LRRC4C: variants seen among roughly 807,000 people sequenced by gnomAD.
LRRC4C encodes leucine-rich repeat-containing protein 4C.
LRRC4C carries 5 observed loss-of-function variants against 33.6 expected under a neutral mutation model. The observed-to-expected ratio is 0.15, with a 90% CI of 0.08 to 0.31. The LOEUF (loss-of-function observed/expected upper bound fraction) is 0.31. Among genes scored for constraint, LRRC4C ranks in the 10% least tolerant of loss-of-function variants. The pLI, the probability that LRRC4C is intolerant of heterozygous loss-of-function variation, is 1.00. For synonymous variants in LRRC4C, 329 were observed against 302.0 expected (o/e 1.09, Z -0.93); for missense variants, 560 against 796.7 (o/e 0.70, Z 3.58).
intron 2 of LRRC4C, among the ~76,000 whole-genome samples, chr11:40,752,246 A>G (rs1370116785): frequency 2.0e-5 from 3 of 152,070 alleles, no homozygotes; most frequent in Non-Finnish European, 4.4e-5. Flanking sequence ...ACAAAAATAG[A>G]CAAATGGGAT....
rs1049299292 is a variant in LRRC4C at position 40,686,261 on chromosome 11, C to T, written c.-406-37983G>A. 3.9e-5 allele frequency among the ~76,000 whole-genome samples: 6 copies of T among 152,148 alleles called. No individual in the cohort carries two copies. In the East Asian group the frequency reaches 1.2e-3, roughly 29 times the overall value. On this transcript the variant is annotated intron_variant, in intron 2 of 6. Coordinates refer to ENST00000528697, the MANE Select transcript of LRRC4C (RefSeq NM_001258419.2). ...AAAGAGTATAGTGGCTATCTTGATACATGTTTGCTATTTATCATTCATATT... is the reference window on the plus strand; with the variant it reads ...AAAGAGTATAGTGGCTATCTTGATATATGTTTGCTATTTATCATTCATATT...
At chr11:41,367,014 G>A (rs889703803) in intron 1 of LRRC4C, among the ~76,000 whole-genome samples, 12 of 152,102 alleles carry the variant, frequency 7.9e-5, no homozygotes, top group South Asian at 2.1e-4. Flanking sequence ...TGCAAGAGCC[G>A]GAAGCAGAAT....
intron 1 of LRRC4C, among the ~76,000 whole-genome samples, chr11:41,360,650 G>A (rs1280259757): frequency 6.6e-6 from 1 of 152,124 alleles, no homozygotes; most frequent in African/African-American, 2.4e-5. Context: ...GAGCAGGGTA[G>A]AATATTCCCC....
chr11:41,399,240 T>G (rs1263230759), intron 1 of LRRC4C, among the ~76,000 whole-genome samples: 1 of 151,972 alleles, frequency 6.6e-6, no homozygotes, highest in African/African-American at 2.4e-5. Context: ...ATTTAAATAT[T>G]GCCTTGATTT....
intron 2 of LRRC4C, among the ~76,000 whole-genome samples, chr11:40,728,762 A>G (rs970817875): frequency 3.3e-5 from 5 of 152,214 alleles, no homozygotes; most frequent in African/African-American, 9.7e-5. Context: ...ATCAAAGATC[A>G]TAAGAACGTG....
chr11:40,644,764 A>G (rs1467336230), intron 3 of LRRC4C, among the ~76,000 whole-genome samples: 3 of 152,178 alleles, frequency 2.0e-5, no homozygotes, highest in Admixed American at 6.5e-5. Flanking sequence ...GGGGGAAGTT[A>G]GAGATAGGAA....
chr11:40,861,003 A>G (rs547478776), intron 2 of LRRC4C, among the ~76,000 whole-genome samples: 43 of 152,164 alleles, frequency 2.8e-4, no homozygotes, highest in African/African-American at 9.4e-4. Flanking sequence ...TTTCACCTCA[A>G]TTAAAGAATG....
intron 1 of LRRC4C, among the ~76,000 whole-genome samples, chr11:41,389,572 T>A (rs1293665551): frequency 6.8e-6 from 1 of 146,602 alleles, no homozygotes; most frequent in Non-Finnish European, 1.5e-5. Context: ...GCACCAAAGA[T>A]ATACTTTCCT....
At chr11:40,678,096 C>G (rs1163203453) in intron 2 of LRRC4C, among the ~76,000 whole-genome samples, 3 of 151,666 alleles carry the variant, frequency 2.0e-5, no homozygotes, top group Non-Finnish European at 4.4e-5. Context: ...GTGGGTTCTG[C>G]TAATACTAGA....
At chr11:40,338,806 G>A (rs570247358) in intron 3 of LRRC4C, among the ~76,000 whole-genome samples, 2 of 152,162 alleles carry the variant, frequency 1.3e-5, no homozygotes, top group East Asian at 3.9e-4. Context: ...TAAAATTTGG[G>A]GGAGTCTGGT....
At chr11:41,290,965 C>T (rs1949976908) in intron 1 of LRRC4C, among the ~76,000 whole-genome samples, 1 of 152,006 alleles carries the variant, frequency 6.6e-6, no homozygotes, top group Admixed American at 6.6e-5. Flanking sequence ...ATCAACTTTC[C>T]AAAAATTCAA....
chr11:41,141,485 G>A (rs968657389), intron 1 of LRRC4C, among the ~76,000 whole-genome samples: 1 of 152,114 alleles, frequency 6.6e-6, no homozygotes, highest in Non-Finnish European at 1.5e-5. Context: ...AATTATACAT[G>A]CCTGATAATA....
intron 1 of LRRC4C, among the ~76,000 whole-genome samples, chr11:41,275,191 T>C (rs1361244267): frequency 2.0e-5 from 3 of 152,176 alleles, no homozygotes; most frequent in African/African-American, 7.2e-5. Context: ...GTGCCATGCC[T>C]GTGAAGCCTA....
intron 3 of LRRC4C, among the ~76,000 whole-genome samples, chr11:40,352,942 C>T (rs1343419914): frequency 6.6e-6 from 1 of 152,156 alleles, no homozygotes; most frequent in Admixed American, 6.5e-5. Flanking sequence ...AAGTCTGATG[C>T]AGGATGCTTT....
At chr11:41,251,210 G>T (rs779468299) in intron 1 of LRRC4C, among the ~76,000 whole-genome samples, 1 of 152,186 alleles carries the variant, frequency 6.6e-6, no homozygotes, top group Non-Finnish European at 1.5e-5. Flanking sequence ...TAGGGAAATA[G>T]TTCATGCCTA....
At chr11:41,042,951 G>T (rs1857527168) in intron 1 of LRRC4C, among the ~76,000 whole-genome samples, 1 of 150,008 alleles carries the variant, frequency 6.7e-6, no homozygotes, top group Non-Finnish European at 1.5e-5. Flanking sequence ...GATGAAAGGA[G>T]GCCCTGGTTA....
At chr11:40,505,146 T>C (rs997604758) in intron 3 of LRRC4C, among the ~76,000 whole-genome samples, 1 of 152,086 alleles carries the variant, frequency 6.6e-6, no homozygotes. Context: ...GGGAGAAAAA[T>C]AGGTAAGGAG....
chr11:41,122,111 A>G (rs754401077), intron 1 of LRRC4C, among the ~76,000 whole-genome samples: 2 of 152,160 alleles, frequency 1.3e-5, no homozygotes, highest in Non-Finnish European at 2.9e-5. Context: ...GCAAAAATAT[A>G]TATAAAAAAA....
At chr11:41,097,499 C>T (rs145039511) in intron 1 of LRRC4C, among the ~76,000 whole-genome samples, 569 of 152,012 alleles carry the variant, frequency 3.7e-3, no homozygotes, top group Non-Finnish European at 5.6e-3. Context: ...GAGGGGGCTC[C>T]CAAGATGAGA....
Sources: allele counts gnomAD v4.1 joint callset (sites outside exome capture counted in the v4.1 genomes callset), GRCh38; gene constraint gnomAD v4.1.1; transcripts MANE v1.5; gene names NCBI Gene and HGNC (gene_info 2026-07-23, HGNC 2026-07-21).